The following PREX2 variants were observed in gnomAD, a reference collection of about 807,000 sequenced individuals.
PREX2 encodes the protein phosphatidylinositol 3,4,5-trisphosphate-dependent Rac exchanger 2 protein.
PREX2 carries 107 observed loss-of-function variants against 203.2 expected under a neutral mutation model. The observed-to-expected ratio is 0.53, with a 90% CI of 0.45 to 0.62. The LOEUF (loss-of-function observed/expected upper bound fraction) is 0.62, where lower values mean the gene tolerates loss of function less well. Ranked by LOEUF, PREX2 falls within the 20% of genes least tolerant of loss-of-function variation. The pLI, the probability that PREX2 is intolerant of heterozygous loss-of-function variation, is 0.00. For missense variants in PREX2, 1,777 were observed against 1,955.9 expected, an observed-to-expected ratio of 0.91 and a Z score of 1.72; for synonymous variants, 672 against 663.6, an observed-to-expected ratio of 1.01 and a Z score of -0.19.
intron 1 of PREX2, among the ~76,000 whole-genome samples, chr8:67,963,738 G>A (rs968079152): frequency 3.3e-5 from 5 of 151,872 alleles, no homozygotes; most frequent in Admixed American, 2.6e-4. Flanking sequence ...TTATTCGTAA[G>A]GATATTTGTT....
At chr8:67,975,668 A>G (rs927027611) in intron 1 of PREX2, among the ~76,000 whole-genome samples, 2 of 135,816 alleles carry the variant, frequency 1.5e-5, no homozygotes, top group African/African-American at 5.4e-5. Flanking sequence ...CTTAATATTT[A>G]TCAGGATAGT....
intron 32 of PREX2, among the ~76,000 whole-genome samples, chr8:68,137,165 C>G (rs1336781668): frequency 6.6e-6 from 1 of 152,194 alleles, no homozygotes; most frequent in Non-Finnish European, 1.5e-5. Flanking sequence ...CTCAGCCCCG[C>G]AAACTGTTGG....
intron 37 of PREX2, among the ~76,000 whole-genome samples, chr8:68,197,121 C>T (rs1026105799): frequency 6.6e-6 from 1 of 151,908 alleles, no homozygotes; most frequent in Non-Finnish European, 1.5e-5. Flanking sequence ...GGGAAGAGCT[C>T]CCCAAACCTA....
intron 38 of PREX2, among the ~76,000 whole-genome samples, chr8:68,224,253 G>A (rs927782713): frequency 8.5e-5 from 13 of 152,118 alleles, no homozygotes; most frequent in African/African-American, 3.1e-4. Flanking sequence ...CCAGGCTTTA[G>A]TAACCCTTCC....
At chr8:68,200,360 G>T (rs1812477558) in intron 37 of PREX2, among the ~76,000 whole-genome samples, 1 of 151,998 alleles carries the variant, frequency 6.6e-6, no homozygotes, top group Non-Finnish European at 1.5e-5. Flanking sequence ...ACTCTCAGAT[G>T]TTCCCTTCAT....
chr8:68,072,324 A>G (rs1245186052), intron 13 of PREX2, among the ~76,000 whole-genome samples, 171 bp from the exon 14 acceptor site: 3 of 152,176 alleles, frequency 2.0e-5, no homozygotes, highest in Admixed American at 6.6e-5. Context: ...GGTGTTTTAC[A>G]TGCATAATAA....
At chr8:68,148,195 C>T (rs1012207579) in intron 34 of PREX2, among the ~76,000 whole-genome samples, 2 of 151,932 alleles carry the variant, frequency 1.3e-5, no homozygotes, top group Admixed American at 1.3e-4. Flanking sequence ...TGCAGTGAGC[C>T]GAGATCATGC....
intron 28 of PREX2, 34 bp downstream of exon 28, chr8:68,119,548 CA>C: frequency 6.7e-7 from 1 of 1,494,602 alleles, no homozygotes; most frequent in East Asian, 2.3e-5. Flanking sequence ...TTTTGTTCCA[CA>C]ACTAAACTGT....
chr8:67,956,606 G>A (rs2129016724), intron 1 of PREX2, among the ~76,000 whole-genome samples: 2 of 152,300 alleles, frequency 1.3e-5, no homozygotes, highest in South Asian at 4.1e-4. Flanking sequence ...TTTGCACTGG[G>A]CCTGGAAAAT....
intron 35 of PREX2, among the ~76,000 whole-genome samples, chr8:68,158,002 G>C (rs1023718007): frequency 2.0e-5 from 3 of 151,564 alleles, no homozygotes; most frequent in African/African-American, 7.3e-5. Context: ...TAAGTGAAAA[G>C]AAATGTGTTA....
intron 1 of PREX2, among the ~76,000 whole-genome samples, chr8:68,010,627 A>G (rs1189115344): frequency 6.6e-6 from 1 of 152,176 alleles, no homozygotes; most frequent in Non-Finnish European, 1.5e-5. Flanking sequence ...TGAGGCACAT[A>G]TGATTATTAA....
At chr8:68,228,781 A>G (rs1417829833) in intron 39 of PREX2, among the ~76,000 whole-genome samples, 3 of 149,772 alleles carry the variant, frequency 2.0e-5, no homozygotes, top group African/African-American at 7.4e-5. Context: ...AAATAAATAA[A>G]TAAATAAATA....
chr8:68,130,440 A>G (rs909291074), intron 31 of PREX2, among the ~76,000 whole-genome samples: 9 of 152,226 alleles, frequency 5.9e-5, no homozygotes, highest in African/African-American at 2.2e-4. Context: ...TGTTGTATTT[A>G]TGTAACAAAT....
chr8:68,221,481 A>G (rs1318463317), intron 38 of PREX2, among the ~76,000 whole-genome samples: 3 of 152,220 alleles, frequency 2.0e-5, no homozygotes, highest in African/African-American at 7.2e-5. Context: ...GGATTAAGTA[A>G]GTAAATATAC....
intron 1 of PREX2, among the ~76,000 whole-genome samples, chr8:67,979,303 A>G (rs1585673185): frequency 6.6e-6 from 1 of 152,328 alleles, no homozygotes; most frequent in East Asian, 1.9e-4. Context: ...CATATCATTT[A>G]CTGTAAGGTA....
chr8:68,057,398 C>T (rs151022728), intron 10 of PREX2, among the ~76,000 whole-genome samples: 7 of 152,230 alleles, frequency 4.6e-5, no homozygotes, highest in Non-Finnish European at 8.8e-5. Flanking sequence ...AAGTTCTTTA[C>T]AGCAGTATGA....
intron 37 of PREX2, among the ~76,000 whole-genome samples, chr8:68,201,047 C>T (rs1464689475): frequency 1.3e-5 from 2 of 152,050 alleles, no homozygotes; most frequent in East Asian, 3.9e-4. Context: ...TTAAACAGAG[C>T]ATAGTTCTTT....
chr8:67,974,313 G>T (rs1351488255), intron 1 of PREX2, among the ~76,000 whole-genome samples: 2 of 151,930 alleles, frequency 1.3e-5, no homozygotes, highest in African/African-American at 4.8e-5. Context: ...GAAACAACAT[G>T]ATTGCCATGA....
chr8:68,197,885 G>T (rs1387869458), intron 37 of PREX2, among the ~76,000 whole-genome samples: 1 of 151,194 alleles, frequency 6.6e-6, no homozygotes, highest in Non-Finnish European at 1.5e-5. Context: ...ATGTCAACCA[G>T]TTTTATACCA....
Sources: allele counts gnomAD v4.1 joint callset (sites outside exome capture counted in the v4.1 genomes callset), GRCh38; gene constraint gnomAD v4.1.1; transcripts MANE v1.5; gene names NCBI Gene and HGNC (gene_info 2026-07-23, HGNC 2026-07-21).